Variants in RUVBL1 observed in about 807,000 individuals in gnomAD.
The protein encoded by RUVBL1 is RuvB like AAA ATPase 1, also known as ruvB-like 1.
In RUVBL1, 4 loss-of-function variants were observed where a neutral mutation model predicts 52.4. The ratio of observed to expected loss-of-function variants is 0.08; its 90% CI spans 0.04 to 0.17. The LOEUF (loss-of-function observed/expected upper bound fraction) is 0.17. Among genes scored for constraint, RUVBL1 ranks in the 10% least tolerant of loss-of-function variants. RUVBL1 has a pLI of 1.00. For missense variants in RUVBL1, 298 were observed against 572.8 expected (o/e 0.52, Z 4.90); for synonymous variants, 217 against 214.4 (o/e 1.01, Z -0.10).
In RUVBL1 at chr3:128,119,401, A is replaced by G; in HGVS notation, c.155T>C (p.Ile52Thr). Residue 52 changes from isoleucine to threonine, a missense_variant, in exon 2 of 11, where the codon ATA becomes ACA. Around this residue, in one of 5 missense-constraint regions of RUVBL1, gnomAD observed 71 missense variants for 125.7 expected, o/e 0.57. Coordinates refer to ENST00000322623, the MANE Select transcript of RUVBL1 (RefSeq NM_003707.3). ...TTTCTTGCTTTTGATTAATTCTACT[A>G]TGACGCCACATGCCTACACACCACA... ...QENAREACGV[I>T]VELIKSKKMA... 1 of 1,613,386 alleles carries G rather than the reference A, an allele frequency of 6.2e-7. No homozygotes were observed. The highest frequency in any genetic ancestry group is 8.5e-7 in the Non-Finnish European group (1 of 1,179,472).
At position 128,123,620 on chromosome 3, in the gene RUVBL1, C is replaced by T. The variant is rs1280138283; in HGVS notation, c.105G>A (p.Ala35=). ...TCTCCTGGCCCACAAGCCCTGAGGC[C>T]GCCTGCTTGGCCAAGCCGCTCTCGT... The part of the protein sequence containing the change: ...GLDESGLAKQ[A]ASGLVGQENA... Residue 35 remains alanine, a synonymous_variant, in exon 1 of 11, where the codon GCG becomes GCA. Coordinates refer to ENST00000322623, the MANE Select transcript of RUVBL1 (RefSeq NM_003707.3). 8.7e-6 allele frequency: 14 copies of T among 1,611,448 alleles called. No homozygotes were observed. The highest frequency in any genetic ancestry group is 1.2e-5 in the Non-Finnish European group (14 of 1,179,258).
chr3:128,152,528 G>C (rs564924252), intron 1 of RUVBL1, among the ~76,000 whole-genome samples: 1 of 152,188 alleles, frequency 6.6e-6, no homozygotes, highest in South Asian at 2.1e-4. Flanking sequence ...TCTCTGAAAT[G>C]GTCTGGTTCA....
At chr3:128,083,640 A>G (rs1182169240) in intron 9 of RUVBL1, 2 of 152,268 alleles carry the variant, frequency 1.3e-5, no homozygotes, top group Non-Finnish European at 2.9e-5. Flanking sequence ...AGCGGCTGCG[A>G]TGAGCCAGGT....
intron 4 of RUVBL1, 126 bp downstream of exon 4, chr3:128,104,647 C>G (rs762361564): frequency 1.5e-5 from 11 of 754,964 alleles, no homozygotes; most frequent in Non-Finnish European, 2.3e-5. Flanking sequence ...TCAACCAATT[C>G]TGTGAGAAAT....
At chr3:128,144,384 C>T (rs777305769) in intron 1 of RUVBL1, among the ~76,000 whole-genome samples, 4 of 152,142 alleles carry the variant, frequency 2.6e-5, no homozygotes. Context: ...TACCTTAGTA[C>T]AAAATGGCAT....
intron 1 of RUVBL1, among the ~76,000 whole-genome samples, chr3:128,148,360 T>C (rs1196659999): frequency 2.6e-5 from 4 of 152,120 alleles, no homozygotes; most frequent in Non-Finnish European, 4.4e-5. Context: ...ATGTGGTGTA[T>C]GAAAGAAAGA....
chr3:128,109,914 C>T (rs577129135), intron 3 of RUVBL1, among the ~76,000 whole-genome samples: 19 of 139,992 alleles, frequency 1.4e-4, no homozygotes, highest in African/African-American at 5.0e-4. Context: ...CTCCCGGGTT[C>T]AAGCAATTCT....
At chr3:128,119,598 G>A (rs1425469978) in intron 1 of RUVBL1, among the ~76,000 whole-genome samples, 184 bp from the exon 2 acceptor site, 1 of 152,176 alleles carries the variant, frequency 6.6e-6, no homozygotes, top group East Asian at 1.9e-4. Flanking sequence ...TTGTACTTGT[G>A]GAGCTCATGT....
At chr3:128,106,677 T>C (rs1197218700) in intron 3 of RUVBL1, among the ~76,000 whole-genome samples, 9 of 152,228 alleles carry the variant, frequency 5.9e-5, no homozygotes, top group Admixed American at 5.9e-4. Context: ...GGGGTTGTCA[T>C]TAGGCACATC....
chr3:128,117,603 T>C (rs889474863), intron 2 of RUVBL1, among the ~76,000 whole-genome samples: 2 of 151,040 alleles, frequency 1.3e-5, no homozygotes, highest in Non-Finnish European at 3.0e-5. Flanking sequence ...AGATTAACGC[T>C]GACAGTTTTT....
intron 1 of RUVBL1, chr3:128,153,148 T>C (rs1247525992): frequency 9.8e-7 from 1 of 1,016,498 alleles, no homozygotes; most frequent in South Asian, 2.8e-5. Context: ...CGCTGATTGG[T>C]GCATTTTACA....
At chr3:128,109,033 T>C (rs1943313711) in intron 3 of RUVBL1, among the ~76,000 whole-genome samples, 1 of 152,122 alleles carries the variant, frequency 6.6e-6, no homozygotes, top group South Asian at 2.1e-4. Flanking sequence ...GATACACACA[T>C]GGGGTGTACA....
At chr3:128,150,918 T>TATATATTC (rs1302526634) in intron 1 of RUVBL1, among the ~76,000 whole-genome samples, 1 of 83,418 alleles carries the variant, frequency 1.2e-5, no homozygotes, top group African/African-American at 4.8e-5. Context: ...ATATTCTATA[T>TATATATTC]TATATATATA....
chr3:128,074,842 CAAAAA>C lies in RUVBL1; in HGVS notation c.940-9627_940-9623del, dbSNP rs386397876. Reference sequence around the variant, plus strand: ...GGGCAACAGGAGCGAAACTCCGTCTCAAAAAAAAAAAAAAAAAAAAAAACTTAAAA... The same window carrying C: ...GGGCAACAGGAGCGAAACTCCGTCTCAAAAAAAAAAAAAAAAAACTTAAAA... On this transcript the variant is annotated intron_variant, in intron 9 of 9. Transcript: ENST00000464873. Among the ~76,000 whole-genome samples the C allele has an allele frequency of 2.0e-3, 146 of 72,800 alleles. 2 individuals carry two copies. The highest frequency in any genetic ancestry group is 5.2e-3 in the South Asian group (9 of 1,746). 47.8% of individuals were successfully genotyped at this position (72,800 alleles called of 152,430 possible).
intron 8 of RUVBL1, among the ~76,000 whole-genome samples, chr3:128,090,307 A>G (rs967974774): frequency 1.9e-4 from 29 of 152,214 alleles, no homozygotes; most frequent in Non-Finnish European, 7.3e-5. Flanking sequence ...CAAGGCGGGC[A>G]GATCACGAGG....
intron 1 of RUVBL1, among the ~76,000 whole-genome samples, chr3:128,132,442 C>T (rs1019242408): frequency 2.6e-5 from 4 of 152,144 alleles, no homozygotes; most frequent in Non-Finnish European, 5.9e-5. Context: ...CACCACTCCC[C>T]CAAAGCCAGG....
intron 1 of RUVBL1, 136 bp from the exon 2 acceptor site, chr3:128,119,550 C>A: frequency 1.6e-6 from 1 of 636,760 alleles, no homozygotes; most frequent in Non-Finnish European, 2.6e-6. Flanking sequence ...AGTCACTGTT[C>A]TAGGTGCCGA....
intron 8 of RUVBL1, among the ~76,000 whole-genome samples, chr3:128,093,459 C>G (rs1159989472): frequency 6.7e-6 from 1 of 148,612 alleles, no homozygotes; most frequent in East Asian, 2.0e-4. Context: ...CAAAAAAAAA[C>G]TGTATTTTAT....
At chr3:128,068,047 A>G (rs1942038081) in intron 9 of RUVBL1, 1 of 1,613,678 alleles carries the variant, frequency 6.2e-7, no homozygotes, top group Non-Finnish European at 8.5e-7. Context: ...TCCATGGTCC[A>G]TGAACTCAAC....
Sources: allele counts gnomAD v4.1 joint callset (sites outside exome capture counted in the v4.1 genomes callset), GRCh38; gene constraint gnomAD v4.1.1; regional missense constraint gnomAD v4.1.1; transcripts MANE v1.5; gene names NCBI Gene and HGNC (gene_info 2026-07-23, HGNC 2026-07-21).